The following GPC6 variants were observed in gnomAD, a reference collection of about 807,000 sequenced individuals.
GPC6 encodes the protein glypican-6.
Under a neutral mutation model 55.2 loss-of-function variants are expected in GPC6, and 14 were observed. That is an observed-to-expected ratio of 0.25 (90% CI 0.17 to 0.40). The LOEUF is 0.40. GPC6 is among the 10% of genes least tolerant of loss of function. GPC6 has a pLI of 1.00. For synonymous variants in GPC6, 278 were observed against 259.6 expected, an observed-to-expected ratio of 1.07 and a Z score of -0.68; for missense variants, 641 against 708.5, an observed-to-expected ratio of 0.90 and a Z score of 1.08.
chr13:93,638,822 T>C (rs564417288), intron 2 of GPC6, among the ~76,000 whole-genome samples: 1 of 152,282 alleles, frequency 6.6e-6, no homozygotes, highest in South Asian at 2.1e-4. Flanking sequence ...TAGTATAATA[T>C]CTCAAAATAA....
At chr13:93,842,706 A>G (rs1424201677) in intron 3 of GPC6, among the ~76,000 whole-genome samples, 1 of 152,080 alleles carries the variant, frequency 6.6e-6, no homozygotes, top group Admixed American at 6.6e-5. Context: ...TTACTGAGGA[A>G]ATTTAAGTTG....
intron 3 of GPC6, among the ~76,000 whole-genome samples, chr13:94,008,219 A>G (rs1234247357): frequency 2.0e-5 from 3 of 152,214 alleles, no homozygotes; most frequent in African/African-American, 7.2e-5. Context: ...CACAGAAAAC[A>G]TTGAGAATCT....
intron 2 of GPC6, among the ~76,000 whole-genome samples, chr13:93,694,955 AG>A (rs1312117197): frequency 5.9e-5 from 9 of 152,162 alleles, no homozygotes; most frequent in Admixed American, 2.6e-4. Context: ...ATGATGAAAA[AG>A]TCATCCTTGT....
At chr13:93,915,552 A>G (rs1418126194) in intron 3 of GPC6, among the ~76,000 whole-genome samples, 1 of 152,234 alleles carries the variant, frequency 6.6e-6, no homozygotes, top group Non-Finnish European at 1.5e-5. Context: ...TGAGAACACT[A>G]TTTATGCTTA....
At chr13:93,725,074 T>C (rs986090023) in intron 2 of GPC6, among the ~76,000 whole-genome samples, 7 of 152,064 alleles carry the variant, frequency 4.6e-5, no homozygotes, top group African/African-American at 1.7e-4. Flanking sequence ...TTAAATCCTG[T>C]GTTGTTTACC....
chr13:94,265,595 C>T (rs997055895), intron 4 of GPC6, among the ~76,000 whole-genome samples: 4 of 152,224 alleles, frequency 2.6e-5, no homozygotes, highest in Non-Finnish European at 5.9e-5. Flanking sequence ...TCAACCCAAT[C>T]AAATTGACAC....
At chr13:93,249,555 G>GA (rs35889894) in intron 1 of GPC6, among the ~76,000 whole-genome samples, 4 of 152,054 alleles carry the variant, frequency 2.6e-5, no homozygotes, top group South Asian at 2.1e-4. Context: ...GGACTTTTGG[G>GA]AAAAAAATGT....
intron 3 of GPC6, among the ~76,000 whole-genome samples, chr13:93,838,634 G>T (rs1237258735): frequency 6.6e-6 from 1 of 152,114 alleles, no homozygotes; most frequent in East Asian, 1.9e-4. Flanking sequence ...GATGGGCAGG[G>T]AGCTGATAAA....
chr13:93,751,343 A>C (rs1884581894), intron 2 of GPC6, among the ~76,000 whole-genome samples: 1 of 151,996 alleles, frequency 6.6e-6, no homozygotes, highest in Non-Finnish European at 1.5e-5. Context: ...CATTAGGTTT[A>C]AAGTTCTGAG....
intron 6 of GPC6, among the ~76,000 whole-genome samples, chr13:94,350,302 T>C (rs1430636547): frequency 6.6e-6 from 1 of 152,088 alleles, no homozygotes; most frequent in Non-Finnish European, 1.5e-5. Flanking sequence ...GTGCTCAGTC[T>C]GCACCCCAGG....
chr13:93,674,472 T>C (rs539280915), intron 2 of GPC6, among the ~76,000 whole-genome samples: 4 of 152,324 alleles, frequency 2.6e-5, no homozygotes, highest in African/African-American at 7.2e-5. Context: ...TCTCTTATCT[T>C]GTGCTTATTA....
intron 1 of GPC6, among the ~76,000 whole-genome samples, chr13:93,519,653 A>G (rs1225220654): frequency 1.3e-5 from 2 of 152,066 alleles, no homozygotes; most frequent in East Asian, 3.8e-4. Flanking sequence ...GTTTGATTGC[A>G]TTCCAGTCTG....
chr13:93,853,367 A>G (rs1888479044), intron 3 of GPC6, among the ~76,000 whole-genome samples: 1 of 151,664 alleles, frequency 6.6e-6, no homozygotes, highest in Admixed American at 6.6e-5. Flanking sequence ...TTATTATCAT[A>G]TTACCATTCT....
At chr13:93,855,432 G>A (rs964759548) in intron 3 of GPC6, among the ~76,000 whole-genome samples, 22 of 151,630 alleles carry the variant, frequency 1.5e-4, no homozygotes, top group East Asian at 5.9e-4. Context: ...ATTCATCTAC[G>A]GAAGGATATC....
At chr13:94,070,177 A>AAG (rs1186650849) in intron 4 of GPC6, among the ~76,000 whole-genome samples, 1 of 152,108 alleles carries the variant, frequency 6.6e-6, no homozygotes, top group Non-Finnish European at 1.5e-5. Flanking sequence ...GCGGCAGGCA[A>AAG]AGAGAGAGAG....
Position 93,506,749 on chromosome 13 carries a change from G to A in GPC6, c.161-38514G>A, listed in dbSNP as rs1372829948. 3.9e-5 allele frequency among the ~76,000 whole-genome samples: 6 copies of A among 151,908 alleles called. No homozygotes were observed. In the East Asian group the frequency reaches 1.2e-3, roughly 30 times the overall value. On this transcript the variant is annotated intron_variant, in intron 1 of 8. Coordinates refer to ENST00000377047, the MANE Select transcript of GPC6 (RefSeq NM_005708.5). ...GACTATAAGGAATGTACTTTAAAAA[G>A]CCCGGAGTAGGCCGGGCGTGGTGGC...
intron 6 of GPC6, among the ~76,000 whole-genome samples, chr13:94,307,851 G>A (rs774922356): frequency 6.6e-6 from 1 of 152,054 alleles, no homozygotes; most frequent in Non-Finnish European, 1.5e-5. Context: ...ATTTTTGCTG[G>A]CTCTAACTTA....
chr13:93,678,290 C>G (rs2138761475), intron 2 of GPC6, among the ~76,000 whole-genome samples: 1 of 152,276 alleles, frequency 6.6e-6, no homozygotes, highest in African/African-American at 2.4e-5. Flanking sequence ...CAATACATAG[C>G]ATTCCATTCC....
At chr13:93,367,016 A>G (rs2139186092) in intron 1 of GPC6, among the ~76,000 whole-genome samples, 1 of 152,216 alleles carries the variant, frequency 6.6e-6, no homozygotes, top group South Asian at 2.1e-4. Flanking sequence ...TGTGCTGGTG[A>G]TTACAAAACC....
Sources: gnomAD v4.1 joint callset for allele counts (sites outside exome capture counted in the v4.1 genomes callset) on GRCh38, gnomAD v4.1.1 for gene constraint, MANE v1.5 for transcripts, NCBI Gene and HGNC (gene_info 2026-07-23, HGNC 2026-07-21) for gene names.